TNKS: variants seen among roughly 807,000 people sequenced by gnomAD.
TNKS encodes poly [ADP-ribose] polymerase tankyrase-1.
Under a neutral mutation model 135.8 loss-of-function variants are expected in TNKS, and 72 were observed. The observed-to-expected ratio is 0.53, with a 90% CI of 0.44 to 0.64. The LOEUF is 0.64. TNKS is among the 30% of genes least tolerant of loss of function. The pLI is 0.00. For missense variants in TNKS, 1,769 were observed against 1,674.0 expected (o/e 1.06, Z -0.99); for synonymous variants, 849 against 649.3 (o/e 1.31, Z -4.68).
At chr8:9,767,669 G>A (rs1053677888) in intron 25 of TNKS, among the ~76,000 whole-genome samples, 2 of 152,036 alleles carry the variant, frequency 1.3e-5, no homozygotes, top group African/African-American at 2.4e-5. Flanking sequence ...GGAATACAGA[G>A]AAATTTTCGG....
intron 2 of TNKS, among the ~76,000 whole-genome samples, chr8:9,589,940 C>T (rs940661119): frequency 1.8e-4 from 27 of 152,194 alleles, no homozygotes; most frequent in Admixed American, 5.2e-4. Flanking sequence ...CAACACGTCT[C>T]CTCTGTTCAT....
rs181956215 is a variant in TNKS at position 9,780,366 on chromosome 8, G to A, written c.*3630G>A. 5 of 152,228 alleles carry A rather than the reference G, an allele frequency of 3.3e-5. No individual in the cohort carries two copies. The highest frequency in any genetic ancestry group is 6.5e-5 in the Admixed American group (1 of 15,290). The allele number at this position is 152,228 out of a possible 1,614,324, so 9.4% of individuals were successfully genotyped here. On this transcript the variant is annotated 3_prime_UTR_variant, in exon 27 of 27. Coordinates refer to ENST00000310430, the MANE Select transcript of TNKS (RefSeq NM_003747.3). ...TTTTCTGTTGGACTAATTGTCTCAC[G>A]TAAAGCTATAGACCTTACTAATTTG...
intron 20 of TNKS, among the ~76,000 whole-genome samples, chr8:9,760,726 T>C (rs1807108220): frequency 6.6e-6 from 1 of 152,172 alleles, no homozygotes; most frequent in African/African-American, 2.4e-5. Flanking sequence ...GCTACTTTAG[T>C]CCATAAAGGA....
chr8:9,773,314 ATTTTTTAACATT>A (rs1371317339), intron 26 of TNKS, among the ~76,000 whole-genome samples: 2 of 152,154 alleles, frequency 1.3e-5, no homozygotes, highest in African/African-American at 2.4e-5. Flanking sequence ...TATGTCTGAT[ATTTTTTAACATT>A]TACATAATAT....
rs1055328 is a variant in TNKS, at chr8:9,781,806, C to G, written c.*5070C>G. ...TGTAGTGACTCTTTGGTTCATTATT[C>G]GTGTTGTTTTTATTTTTAGTCTCTG... is the stretch of plus-strand genomic sequence containing the variant. On this transcript the variant is annotated 3_prime_UTR_variant, in exon 27 of 27. Coordinates refer to ENST00000310430, the MANE Select transcript of TNKS (RefSeq NM_003747.3). 0.27 allele frequency: 41,898 copies of G among 152,364 alleles called. 6,060 individuals are homozygous for G. The highest frequency in any genetic ancestry group is 0.34 in the African/African-American group (13,885 of 41,442). 9.4% of individuals were successfully genotyped at this position (152,364 alleles called of 1,614,324 possible).
intron 18 of TNKS, among the ~76,000 whole-genome samples, chr8:9,749,636 G>A (rs1806413978): frequency 6.6e-6 from 1 of 151,876 alleles, no homozygotes; most frequent in Non-Finnish European, 1.5e-5. Context: ...CACTATGCCT[G>A]GCTATTTTTT....
At chr8:9,661,655 A>G (rs535665179) in intron 3 of TNKS, among the ~76,000 whole-genome samples, 1 of 152,222 alleles carries the variant, frequency 6.6e-6, no homozygotes, top group Admixed American at 6.5e-5. Flanking sequence ...AGGCAATACC[A>G]TTCGGGACAT....
chr8:9,685,826 C>T (rs1802972528), intron 5 of TNKS, among the ~76,000 whole-genome samples: 1 of 152,032 alleles, frequency 6.6e-6, no homozygotes, highest in South Asian at 2.1e-4. Context: ...ATATGGAATT[C>T]CATAAACCCC....
chr8:9,671,358 G>C (rs931648088), intron 3 of TNKS, among the ~76,000 whole-genome samples: 1 of 152,188 alleles, frequency 6.6e-6, no homozygotes, highest in Non-Finnish European at 1.5e-5. Context: ...CAACCCAAAT[G>C]TCTGGCAGCT....
At chr8:9,608,153 C>G (rs1299372322) in intron 2 of TNKS, among the ~76,000 whole-genome samples, 1 of 152,078 alleles carries the variant, frequency 6.6e-6, no homozygotes. Context: ...GTTGCCCAGG[C>G]TGGTCTTAAA....
rs1805617486 is a variant in TNKS at position 9,734,899 on chromosome 8, G to A, written c.2348G>A (p.Gly783Glu). 1 of 1,614,124 alleles carries A rather than the reference G, an allele frequency of 6.2e-7. No homozygotes were observed. The highest frequency in any genetic ancestry group is 8.5e-7 in the Non-Finnish European group (1 of 1,180,000). Reference sequence around the variant, plus strand: ...GATCCAACTAAAAAGAACAGAGATGGAAATACACCTTTGGATTTGGTAAAG... The same window carrying A: ...GATCCAACTAAAAAGAACAGAGATGAAAATACACCTTTGGATTTGGTAAAG... ...GADPTKKNRD[G>E]NTPLDLVKEG... Residue 783 changes from glycine to glutamate, a missense_variant, in exon 16 of 27, where the codon GGA becomes GAA. By Grantham distance (98) the Gly-to-Glu change is moderately conservative (BLOSUM62 -2). Around this residue, in one of 5 missense-constraint regions of TNKS, gnomAD observed 722 missense variants for 688.9 expected, o/e 1.05. Transcript: ENST00000310430.
intron 11 of TNKS, 64 bp downstream of exon 11, chr8:9,710,284 G>A (rs754682017): frequency 2.0e-6 from 3 of 1,466,078 alleles, no homozygotes; most frequent in East Asian, 2.3e-5. Context: ...TCTTAACACT[G>A]CTTCTCTCTC....
rs1808337057 is a variant in TNKS at position 9,778,664 on chromosome 8, T to G, written c.*1928T>G. ...CAGGTGAAGCTTTGAGAGTTGATAT[T>G]CATTAAGAGGGCTTTTTTTCCCCTT... On this transcript the variant is annotated 3_prime_UTR_variant, in exon 27 of 27. Transcript: ENST00000310430. The G allele has an allele frequency of 2.0e-5, 3 of 152,570 alleles. No homozygotes were observed. The highest frequency in any genetic ancestry group is 4.4e-5 in the Non-Finnish European group (3 of 68,034). The allele number at this position is 152,570 out of a possible 1,614,324, so 9.5% of individuals were successfully genotyped here. A position where few individuals can be genotyped will look rare whatever the true frequency, so the allele number is the denominator to read the frequency against.
chr8:9,732,293 C>G (rs1805485350), intron 14 of TNKS, among the ~76,000 whole-genome samples: 1 of 152,168 alleles, frequency 6.6e-6, no homozygotes, highest in Non-Finnish European at 1.5e-5. Context: ...CTTAAGGCAG[C>G]TACTTAGAAA....
chr8:9,704,599 G>C, intron 5 of TNKS, 64 bp from the exon 6 acceptor site: 1 of 1,348,940 alleles, frequency 7.4e-7, no homozygotes, highest in South Asian at 1.2e-5. Context: ...ATCTGAAATG[G>C]CAAAGCAAGG....
At chr8:9,678,751 G>A (rs903807562) in intron 3 of TNKS, among the ~76,000 whole-genome samples, 5 of 152,052 alleles carry the variant, frequency 3.3e-5, no homozygotes, top group Non-Finnish European at 5.9e-5. Context: ...AACAAAATGC[G>A]AAGTCCATAT....
intron 3 of TNKS, among the ~76,000 whole-genome samples, chr8:9,678,510 C>A (rs1013728783): frequency 6.6e-6 from 1 of 152,120 alleles, no homozygotes; most frequent in Non-Finnish European, 1.5e-5. Flanking sequence ...AAACTTATAA[C>A]TTTATTGGTA....
intron 3 of TNKS, among the ~76,000 whole-genome samples, chr8:9,618,419 T>TA (rs940965987): frequency 3.3e-5 from 5 of 152,172 alleles, no homozygotes; most frequent in Admixed American, 6.5e-5. Flanking sequence ...TGAGAAGACT[T>TA]ACTCAGAGAG....
At chr8:9,610,839 C>T (rs965044241) in intron 2 of TNKS, among the ~76,000 whole-genome samples, 2 of 152,126 alleles carry the variant, frequency 1.3e-5, no homozygotes, top group Non-Finnish European at 2.9e-5. Flanking sequence ...TGCAGTTAAA[C>T]ACAATTTATT....
Sources: gnomAD v4.1 joint callset for allele counts (sites outside exome capture counted in the v4.1 genomes callset) on GRCh38, gnomAD v4.1.1 for gene constraint, gnomAD v4.1.1 regional missense constraint, MANE v1.5 for transcripts, NCBI Gene and HGNC (gene_info 2026-07-23, HGNC 2026-07-21) for gene names.